Variants in TSPAN9 observed in about 807,000 individuals in gnomAD.
TSPAN9 encodes tetraspanin-9.
A neutral mutation model predicts 31.0 loss-of-function variants in TSPAN9; 16 were observed. The observed-to-expected ratio is 0.52, with a 90% CI of 0.35 to 0.78. The LOEUF (loss-of-function observed/expected upper bound fraction) is 0.78, where lower values mean the gene tolerates loss of function less well. Among genes scored for constraint, TSPAN9 ranks in the 30% least tolerant of loss-of-function variants. The pLI, the probability that TSPAN9 is intolerant of heterozygous loss-of-function variation, is 0.01. For missense variants in TSPAN9, 272 were observed against 312.5 expected (o/e 0.87, Z 0.98); for synonymous variants, 145 against 121.6 (o/e 1.19, Z -1.27).
intron 2 of TSPAN9, among the ~76,000 whole-genome samples, chr12:3,118,730 C>G (rs1321365547): frequency 2.0e-5 from 3 of 152,222 alleles, no homozygotes; most frequent in African/African-American, 7.2e-5. Context: ...CACTCCCAGC[C>G]ATGGTGTGAA....
intron 3 of TSPAN9, among the ~76,000 whole-genome samples, chr12:3,269,127 G>T (rs1591716415): frequency 1.0e-5 from 1 of 99,928 alleles, no homozygotes. Flanking sequence ...CCTGCAGCCT[G>T]CCCTCTGTGC....
At chr12:3,121,656 A>G (rs1014912615) in intron 2 of TSPAN9, among the ~76,000 whole-genome samples, 27 of 146,320 alleles carry the variant, frequency 1.8e-4, no homozygotes, top group African/African-American at 6.8e-4. Flanking sequence ...AGGGTTATAG[A>G]TATGAGCCAC....
intron 2 of TSPAN9, among the ~76,000 whole-genome samples, chr12:3,193,473 A>G (rs902542593): frequency 5.3e-5 from 8 of 152,340 alleles, no homozygotes; most frequent in Admixed American, 5.2e-4. Context: ...AGGCCCCAGT[A>G]CATGCTCTGA....
intron 3 of TSPAN9, among the ~76,000 whole-genome samples, chr12:3,212,205 C>T (rs942662254): frequency 2.0e-5 from 3 of 151,588 alleles, no homozygotes; most frequent in Non-Finnish European, 2.9e-5. Context: ...CTTCTGACCT[C>T]GTGATCTGCC....
rs751979441 is a variant in TSPAN9, at chr12:3,192,257, T to C, written c.-17-8920T>C. Among the ~76,000 whole-genome samples the C allele has an allele frequency of 6.6e-6, 1 of 152,042 alleles. No individual in the cohort carries two copies. Among genetic ancestry groups the C allele is most frequent in the African/African-American group, 2.4e-5 (1 of 41,402 alleles). ...TAATCCAAGTAAGATGGGAAGCCAC[T>C]GATGAGGTTACAGTGGAGAGGCACA... On this transcript the variant is annotated intron_variant, in intron 2 of 8. Transcript: ENST00000011898. This position sits in a 1 kb window ranked among gnomAD's most constrained non-coding sequence, Gnocchi z 4.6.
intron 2 of TSPAN9, among the ~76,000 whole-genome samples, chr12:3,112,177 CTTTT>C (rs138645701): frequency 2.6e-5 from 3 of 115,600 alleles, no homozygotes; most frequent in Admixed American, 9.4e-5. Flanking sequence ...TGTAATGTTC[CTTTT>C]TTTTTTTTTT....
chr12:3,285,785 AG>A lies in TSPAN9; in HGVS notation c.*2672del, dbSNP rs1438357991. The A allele has an allele frequency of 6.6e-6, 1 of 152,196 alleles. No individual in the cohort carries two copies. The highest frequency in any genetic ancestry group is 1.5e-5 in the Non-Finnish European group (1 of 68,046). The allele number at this position is 152,196 out of a possible 1,614,324, so 9.4% of individuals were successfully genotyped here. ...ACACACTTGTCTCAGAAAGTCCCTC[AG>A]GGTTTGTAGAGGACTGCAGGGGGGC... On this transcript the variant is annotated 3_prime_UTR_variant, in exon 9 of 9. Coordinates refer to ENST00000011898, the MANE Select transcript of TSPAN9 (RefSeq NM_006675.5).
chr12:3,277,326 T>C (rs765688134), intron 3 of TSPAN9, among the ~76,000 whole-genome samples: 15 of 152,220 alleles, frequency 9.9e-5, no homozygotes, highest in Non-Finnish European at 1.9e-4. Flanking sequence ...CTTTAGGGAC[T>C]GCCTCCTTCA....
At position 3,285,531 on chromosome 12, in the gene TSPAN9, T is replaced by TA; in HGVS notation, c.*2416dup. The TA allele has an allele frequency of 6.6e-6, 1 of 152,278 alleles. No individual in the cohort carries two copies. Among genetic ancestry groups the TA allele is most frequent in the East Asian group, 1.9e-4 (1 of 5,160 alleles). The allele number at this position is 152,278 out of a possible 1,614,324, so 9.4% of individuals were successfully genotyped here. A position where few individuals can be genotyped will look rare whatever the true frequency, so the allele number is the denominator to read the frequency against. The stretch of plus-strand genomic sequence containing the variant: ...CTCACTCTGCGCTTGGCCGTTTTGT[T>TA]ATTTGGCTTAGTCTACATTGGGCGG... On this transcript the variant is annotated 3_prime_UTR_variant, in exon 9 of 9. Coordinates refer to ENST00000011898, the MANE Select transcript of TSPAN9 (RefSeq NM_006675.5).
At chr12:3,247,145 TG>T (rs1862151846) in intron 3 of TSPAN9, among the ~76,000 whole-genome samples, 2 of 152,130 alleles carry the variant, frequency 1.3e-5, no homozygotes, top group African/African-American at 2.4e-5. Context: ...GAAGGTGTCT[TG>T]GGAATGACTG....
chr12:3,109,313 T>TGAGA (rs2098316981), intron 2 of TSPAN9, among the ~76,000 whole-genome samples: 5 of 113,632 alleles, frequency 4.4e-5, no homozygotes, highest in South Asian at 2.5e-4. Flanking sequence ...AGAGAGTGTG[T>TGAGA]GTGTGTGTGT....
chr12:3,264,091 C>T (rs1475288071), intron 3 of TSPAN9, among the ~76,000 whole-genome samples: 5 of 152,102 alleles, frequency 3.3e-5, no homozygotes, highest in African/African-American at 9.7e-5. Context: ...CACTTGGGAC[C>T]GTTACTTTGG....
chr12:3,150,714 A>G (rs1313030390), intron 2 of TSPAN9, among the ~76,000 whole-genome samples: 2 of 152,006 alleles, frequency 1.3e-5, no homozygotes, highest in African/African-American at 4.8e-5. Flanking sequence ...GCTAATTCCC[A>G]CTTACGAGCT....
chr12:3,263,368 C>T (rs1169183163), intron 3 of TSPAN9, among the ~76,000 whole-genome samples: 3 of 152,190 alleles, frequency 2.0e-5, no homozygotes, highest in Admixed American at 1.3e-4. Context: ...TTCATGACAT[C>T]GCTTCGTCTA....
chr12:3,178,265 C>A (rs1435080805), intron 2 of TSPAN9, among the ~76,000 whole-genome samples: 2 of 151,892 alleles, frequency 1.3e-5, no homozygotes, highest in African/African-American at 4.8e-5. Context: ...GGCCGGTGAC[C>A]CATGGAGATG....
chr12:3,224,686 A>G (rs1462654271), intron 3 of TSPAN9, among the ~76,000 whole-genome samples: 2 of 152,254 alleles, frequency 1.3e-5, no homozygotes, highest in Non-Finnish European at 2.9e-5. Flanking sequence ...GCGTCTGCTC[A>G]TACCCAGATG....
At chr12:3,185,729 G>A (rs1213036603) in intron 2 of TSPAN9, among the ~76,000 whole-genome samples, 7 of 152,212 alleles carry the variant, frequency 4.6e-5, no homozygotes, top group East Asian at 1.9e-4. Context: ...TGGGGCAGCC[G>A]CCTGGGCTTG....
intron 2 of TSPAN9, among the ~76,000 whole-genome samples, chr12:3,141,701 G>A (rs932024994): frequency 1.3e-5 from 2 of 152,230 alleles, no homozygotes; most frequent in South Asian, 2.1e-4. Flanking sequence ...CGGCCTCTGT[G>A]TTGTATCTTA....
At chr12:3,164,125 G>A (rs1235404832) in intron 2 of TSPAN9, among the ~76,000 whole-genome samples, 1 of 152,188 alleles carries the variant, frequency 6.6e-6, no homozygotes, top group Non-Finnish European at 1.5e-5. Flanking sequence ...CCTGATGAGA[G>A]GAAAGGGAAG....
Sources: gnomAD v4.1 joint callset for allele counts (sites outside exome capture counted in the v4.1 genomes callset) on GRCh38, gnomAD v4.1.1 for gene constraint, Gnocchi (gnomAD v3.1) non-coding constraint, MANE v1.5 for transcripts, NCBI Gene and HGNC (gene_info 2026-07-23, HGNC 2026-07-21) for gene names.